Variants in ATRNL1 observed in about 807,000 individuals in gnomAD.
ATRNL1 encodes the protein attractin like 1, also known as attractin-like protein 1.
Under a neutral mutation model 182.7 loss-of-function variants are expected in ATRNL1, and 95 were observed. The ratio of observed to expected loss-of-function variants is 0.52; its 90% CI spans 0.44 to 0.62. ATRNL1 has a LOEUF of 0.62. Ranked by LOEUF, ATRNL1 falls within the 20% of genes least tolerant of loss-of-function variation. ATRNL1 has a pLI of 0.00. For synonymous variants in ATRNL1, 576 were observed against 568.3 expected (o/e 1.01, Z -0.19); for missense variants, 1,471 against 1,679.5 (o/e 0.88, Z 2.17).
At chr10:115,910,550 G>A (rs892073168) in intron 28 of ATRNL1, among the ~76,000 whole-genome samples, 27 of 151,832 alleles carry the variant, frequency 1.8e-4, no homozygotes, top group African/African-American at 5.1e-4. Flanking sequence ...TTTCCTAGCC[G>A]GCTGCCACAC....
intron 27 of ATRNL1, among the ~76,000 whole-genome samples, chr10:115,734,247 TATTTA>T (rs1565330732): frequency 6.6e-6 from 1 of 152,192 alleles, no homozygotes; most frequent in Non-Finnish European, 1.5e-5. Context: ...GTATATTGCT[TATTTA>T]CTTTCTAGAA....
chr10:115,767,871 T>C (rs1392440333), intron 27 of ATRNL1, among the ~76,000 whole-genome samples: 4 of 152,200 alleles, frequency 2.6e-5, no homozygotes, highest in Non-Finnish European at 5.9e-5. Flanking sequence ...GTTGTCTTAA[T>C]ATAATCCCAG....
At chr10:115,918,301 C>T (rs1555117909) in intron 28 of ATRNL1, among the ~76,000 whole-genome samples, 1 of 152,062 alleles carries the variant, frequency 6.6e-6, no homozygotes, top group African/African-American at 2.4e-5. Context: ...CGGGGTTTCA[C>T]CATGTTGGCC....
At chr10:115,367,314 C>G (rs1554946292) in intron 19 of ATRNL1, among the ~76,000 whole-genome samples, 2 of 140,902 alleles carry the variant, frequency 1.4e-5, no homozygotes, top group Non-Finnish European at 3.1e-5. Flanking sequence ...ATCGCATCAG[C>G]TCCTGAGGCT....
At chr10:115,230,417 G>C (rs1055572156) in intron 9 of ATRNL1, among the ~76,000 whole-genome samples, 6 of 152,154 alleles carry the variant, frequency 3.9e-5, no homozygotes, top group African/African-American at 1.2e-4. Context: ...CTAGGAGGAG[G>C]TCCAGCTAGT....
chr10:115,312,990 T>C (rs1229725956), intron 17 of ATRNL1, among the ~76,000 whole-genome samples: 1 of 152,148 alleles, frequency 6.6e-6, no homozygotes, highest in East Asian at 1.9e-4. Context: ...TGGTTTCTTT[T>C]TTTAAAATGT....
At chr10:115,517,469 ATC>A (rs1850698131) in intron 24 of ATRNL1, among the ~76,000 whole-genome samples, 1 of 151,860 alleles carries the variant, frequency 6.6e-6, no homozygotes, top group Non-Finnish European at 1.5e-5. Context: ...TACTGCAAAA[ATC>A]TCTGTCTTTC....
intron 26 of ATRNL1, among the ~76,000 whole-genome samples, chr10:115,639,061 A>C (rs1484886975): frequency 6.6e-6 from 1 of 152,296 alleles, no homozygotes; most frequent in Non-Finnish European, 1.5e-5. Flanking sequence ...ATTGAACACC[A>C]AAGAGGTTAA....
chr10:115,671,303 C>G (rs1305299302), intron 26 of ATRNL1, among the ~76,000 whole-genome samples: 4 of 151,972 alleles, frequency 2.6e-5, no homozygotes, highest in Non-Finnish European at 4.4e-5. Context: ...CCTTTTCATC[C>G]TGACTCTGCA....
rs1555056661 is a variant in ATRNL1 at position 115,717,598 on chromosome 10, C to G, written c.3796-9650C>G. ...ATGGAGTCTCGCTCTGTCACCTGGG[C>G]TAGAGTGCAGTGGTGCAATCTCAGC... On this transcript the variant is annotated intron_variant, in intron 26 of 28. Transcript: ENST00000355044. 6.5e-5 allele frequency among the ~76,000 whole-genome samples: 8 copies of G among 122,254 alleles called. 1 individual carries two copies. The South Asian group carries it at 2.3e-3, about 35-fold the overall frequency. The allele number at this position is 122,254 out of a possible 152,430, so 80.2% of individuals were successfully genotyped here.
rs556464740 is a variant in ATRNL1, at chr10:115,133,785, A to G, written c.829+4250A>G. 1.1e-4 allele frequency among the ~76,000 whole-genome samples: 17 copies of G among 152,194 alleles called. No homozygotes were observed. The South Asian group carries it at 1.2e-3, about 11-fold the overall frequency. ...CATTGCACTTATTCCAAAATTGACC[A>G]CATAGTTGGAAGTAAAGCACTCCTC... On this transcript the variant is annotated intron_variant, in intron 5 of 28. Coordinates refer to ENST00000355044, the MANE Select transcript of ATRNL1 (RefSeq NM_207303.4).
chr10:115,775,805 A>G (rs1437612066), intron 27 of ATRNL1, among the ~76,000 whole-genome samples: 1 of 152,022 alleles, frequency 6.6e-6, no homozygotes, highest in African/African-American at 2.4e-5. Context: ...AAAAAATACA[A>G]AAATTAGCCG....
chr10:115,130,920 C>A (rs1395121245), intron 5 of ATRNL1, among the ~76,000 whole-genome samples: 1 of 152,108 alleles, frequency 6.6e-6, no homozygotes, highest in African/African-American at 2.4e-5. Context: ...GTATAACATT[C>A]TCTGTGAACA....
chr10:115,285,589 T>C (rs889816850), intron 14 of ATRNL1, among the ~76,000 whole-genome samples: 17 of 152,126 alleles, frequency 1.1e-4, no homozygotes, highest in African/African-American at 4.1e-4. Context: ...ATTCTATAGA[T>C]AAACCATTAT....
chr10:115,161,689 C>T (rs1003571255), intron 6 of ATRNL1, among the ~76,000 whole-genome samples: 5 of 151,962 alleles, frequency 3.3e-5, no homozygotes, highest in African/African-American at 1.2e-4. Context: ...ACTATTTAAG[C>T]CAACTTTTTT....
At chr10:115,232,482 C>T (rs1849996990) in intron 9 of ATRNL1, among the ~76,000 whole-genome samples, 1 of 152,080 alleles carries the variant, frequency 6.6e-6, no homozygotes, top group African/African-American at 2.4e-5. Flanking sequence ...ATTTTGCCAA[C>T]ATTTTATCTC....
rs116408905 is a variant in ATRNL1 at position 115,731,002 on chromosome 10, T to A, written c.3903+3647T>A. Among the ~76,000 whole-genome samples, 452 of 152,242 alleles carry A rather than the reference T, an allele frequency of 3.0e-3. 2 individuals are homozygous for A. Among genetic ancestry groups the A allele is most frequent in the African/African-American group, 0.01 (425 of 41,558 alleles). On this transcript the variant is annotated intron_variant, in intron 27 of 28. Transcript: ENST00000355044. ...GGCCAGTCTAGTCTTTTCGTGTTTTTTTCTGCCTGCTTTATATTCTAGTCT... is the reference window on the plus strand; with the variant it reads ...GGCCAGTCTAGTCTTTTCGTGTTTTATTCTGCCTGCTTTATATTCTAGTCT...
intron 26 of ATRNL1, among the ~76,000 whole-genome samples, chr10:115,592,217 C>T (rs1592913437): frequency 6.6e-6 from 1 of 152,104 alleles, no homozygotes; most frequent in Non-Finnish European, 1.5e-5. Context: ...CTATTGGGTA[C>T]TGTGCTCACT....
intron 25 of ATRNL1, among the ~76,000 whole-genome samples, chr10:115,529,659 G>T (rs1851447822): frequency 6.6e-6 from 1 of 151,822 alleles, no homozygotes; most frequent in Admixed American, 6.6e-5. Context: ...TTATCCTCCT[G>T]AATCATATAG....
Sources: allele counts gnomAD v4.1 joint callset (sites outside exome capture counted in the v4.1 genomes callset), GRCh38; gene constraint gnomAD v4.1.1; transcripts MANE v1.5; gene names NCBI Gene and HGNC (gene_info 2026-07-23, HGNC 2026-07-21).